Variants in BRCA2 observed in about 807,000 individuals in gnomAD.
The protein encoded by BRCA2 is BRCA2 DNA repair associated.
Under a neutral mutation model 276.7 loss-of-function variants are expected in BRCA2, and 203 were observed. The observed-to-expected ratio is 0.73, with a 90% CI of 0.65 to 0.82. BRCA2 has a LOEUF of 0.82. Ranked by LOEUF, BRCA2 falls within the 40% of genes least tolerant of loss-of-function variation. The pLI, the probability that BRCA2 is intolerant of heterozygous loss-of-function variation, is 0.00. For missense variants in BRCA2, 3,920 were observed against 3,915.0 expected, an observed-to-expected ratio of 1.00 and a Z score of -0.03; for synonymous variants, 1,289 against 1,338.4, an observed-to-expected ratio of 0.96 and a Z score of 0.81.
intron 14 of BRCA2, among the ~76,000 whole-genome samples, chr13:32,356,024 A>G (rs1204431143): frequency 6.6e-6 from 1 of 151,560 alleles, no homozygotes; most frequent in Non-Finnish European, 1.5e-5. Context: ...TGATATGTAT[A>G]ATTTTATAAA....
In BRCA2 at chr13:32,337,434, AG is replaced by A; in HGVS notation, c.3080del (p.Ser1027ThrfsTer16). ...IKLSEHNIKK[S>X]KMFFKDIEEQ... Reference sequence around the variant, plus strand: ...GCTCTCTGAACATAACATTAAGAAGAGCAAAATGTTCTTCAAAGATATTGAA... The same window carrying A: ...GCTCTCTGAACATAACATTAAGAAGACAAAATGTTCTTCAAAGATATTGAA... On this transcript the variant is annotated frameshift_variant, in exon 11 of 27. Coordinates refer to ENST00000380152, the MANE Select transcript of BRCA2 (RefSeq NM_000059.4). LOFTEE classifies it high-confidence loss of function. 6.2e-7 allele frequency: 1 copy of A among 1,613,176 alleles called. No individual in the cohort carries two copies. Among genetic ancestry groups the A allele is most frequent in the Non-Finnish European group, 8.5e-7 (1 of 1,179,528 alleles).
rs543921331 is a variant in BRCA2, at chr13:32,342,896, A to G, written c.6842-1662A>G. On this transcript the variant is annotated intron_variant, in intron 11 of 26. Coordinates refer to ENST00000380152, the MANE Select transcript of BRCA2 (RefSeq NM_000059.4). Reference sequence around the variant, plus strand: ...CCTTGTCTCTACTAAAAATATAAAAATTAGCTGGGCATGGTGGTGGCACAC... The same window carrying G: ...CCTTGTCTCTACTAAAAATATAAAAGTTAGCTGGGCATGGTGGTGGCACAC... Among the ~76,000 whole-genome samples, 7 of 152,198 alleles carry G rather than the reference A, an allele frequency of 4.6e-5. No homozygotes were observed. In the South Asian group the frequency reaches 1.0e-3, roughly 23 times the overall value.
At chr13:32,351,717 T>C (rs1362694543) in intron 13 of BRCA2, among the ~76,000 whole-genome samples, 1 of 152,214 alleles carries the variant, frequency 6.6e-6, no homozygotes, top group Non-Finnish European at 1.5e-5. Context: ...TTAAAGTAGT[T>C]GCAAAATCTT....
intron 22 of BRCA2, 81 bp from the exon 23 acceptor site, chr13:32,379,669 A>G (rs2137621342): frequency 6.5e-7 from 1 of 1,538,272 alleles, no homozygotes; most frequent in Non-Finnish European, 9.0e-7. Context: ...AATATAAAAG[A>G]GGATCTGTAT....
rs587782313 is a variant in BRCA2, at chr13:32,394,796, G to A, written c.9364G>A (p.Ala3122Thr). Residue 3122 changes from alanine (A) to threonine (T), a missense_variant, in exon 25 of 27, where the codon GCA (alanine) becomes ACA (threonine). Physicochemically the swap from Ala to Thr is moderately conservative, Grantham distance 58. Around this residue, in one of 2 missense-constraint regions of BRCA2, gnomAD observed 657 missense variants for 758.2 expected, o/e 0.87. Coordinates refer to ENST00000380152, the MANE Select transcript of BRCA2 (RefSeq NM_000059.4). ...TATTAAGCCTCATATGTTAATTGCT[G>A]CAAGCAACCTCCAGTGGCGACCAGA... is the stretch of plus-strand genomic sequence containing the variant. ...DIIKPHMLIA[A>T]SNLQWRPESK... 68 of 1,613,936 alleles carry A rather than the reference G, an allele frequency of 4.2e-5. No individual in the cohort carries two copies. The South Asian group carries it at 4.8e-4, about 11-fold the overall frequency.
chr13:32,344,165 T>TG (rs2072593151), intron 11 of BRCA2, among the ~76,000 whole-genome samples: 1 of 71,164 alleles, frequency 1.4e-5, no homozygotes, highest in Non-Finnish European at 3.0e-5. Flanking sequence ...GCCCCCGTGC[T>TG]GAAAAAAAAA....
intron 24 of BRCA2, among the ~76,000 whole-genome samples, chr13:32,389,706 AC>A (rs2072984215): frequency 6.6e-6 from 1 of 152,082 alleles, no homozygotes; most frequent in South Asian, 2.1e-4. Context: ...TTGTGACATA[AC>A]CCCATCATAA....
intron 13 of BRCA2, among the ~76,000 whole-genome samples, chr13:32,350,544 TCGAGA>T (rs2072641401): frequency 6.6e-6 from 1 of 151,982 alleles, no homozygotes; most frequent in South Asian, 2.1e-4. Flanking sequence ...GGTCAGGAGA[TCGAGA>T]CCATCCTGGC....
At chr13:32,318,564 C>T (rs1004850180) in intron 2 of BRCA2, among the ~76,000 whole-genome samples, 2 of 152,060 alleles carry the variant, frequency 1.3e-5, no homozygotes, top group African/African-American at 4.8e-5. Flanking sequence ...GTGGCAGCCT[C>T]CGGAGTAGCT....
intron 3 of BRCA2, among the ~76,000 whole-genome samples, chr13:32,321,346 A>G (rs987750768): frequency 1.1e-4 from 16 of 152,220 alleles, no homozygotes; most frequent in Non-Finnish European, 2.1e-4. Flanking sequence ...TTGTAAGCAC[A>G]TCTTGGTTGC....
Position 32,329,436 on chromosome 13 carries a change from C to A in BRCA2, c.632-7C>A. The A allele has an allele frequency of 6.3e-7, 1 of 1,587,412 alleles. No homozygotes were observed. The highest frequency in any genetic ancestry group is 8.6e-7 in the Non-Finnish European group (1 of 1,158,732). ...ATATACAATACACATAAATTTTTAT[C>A]TTACAGTCAGAAATGAAGAAGCATC... is the stretch of plus-strand genomic sequence containing the variant. On this transcript the variant is annotated splice_region_variant and splice_polypyrimidine_tract_variant and intron_variant, in intron 7 of 26. Transcript: ENST00000380152.
intron 20 of BRCA2, chr13:32,375,304 C>T (rs1270977809): frequency 4.9e-6 from 2 of 406,380 alleles, no homozygotes; most frequent in East Asian, 1.5e-4. Flanking sequence ...GGCTTTACTT[C>T]TAATTCTAGT....
rs28897706 is a variant in BRCA2 at position 32,332,456 on chromosome 13, C to G, written c.978C>G (p.Ser326Arg). The stretch of plus-strand genomic sequence containing the variant: ...AAAATCTACAAAAAGTAAGAACTAG[C>G]AAGACTAGGAAAAAAATTTTCCATG... ...RTKNLQKVRT[S>R]KTRKKIFHEA... The change falls in exon 10 of 27, where the codon AGC becomes AGG. Residue 326 changes from serine to arginine, a missense_variant. Physicochemically the swap from Ser to Arg is moderately radical, Grantham distance 110. Around this residue, in one of 2 missense-constraint regions of BRCA2, gnomAD observed 3,263 missense variants for 3,156.9 expected, o/e 1.03. Coordinates refer to ENST00000380152, the MANE Select transcript of BRCA2 (RefSeq NM_000059.4). The G allele has an allele frequency of 6.3e-7, 1 of 1,592,580 alleles. No homozygotes were observed. Among genetic ancestry groups the G allele is most frequent in the Non-Finnish European group, 8.5e-7 (1 of 1,173,340 alleles).
In BRCA2 at chr13:32,325,186, T is replaced by C. The variant is rs876661045; in HGVS notation, c.425+2T>C. ...TCTAAATTCTTGTCTTAGTGAAAGG[T>C]ATGATGAAGCTATTATATTAAAATA... On this transcript the variant is annotated splice_donor_variant, in intron 4 of 26. Coordinates refer to ENST00000380152, the MANE Select transcript of BRCA2 (RefSeq NM_000059.4). LOFTEE classifies it high-confidence loss of function. 6.5e-7 allele frequency: 1 copy of C among 1,531,736 alleles called. No individual in the cohort carries two copies. Among genetic ancestry groups the C allele is most frequent in the Non-Finnish European group, 9.0e-7 (1 of 1,106,420 alleles). The allele number at this position is 1,531,736 out of a possible 1,614,324, so 94.9% of individuals were successfully genotyped here. A position where few individuals can be genotyped will look rare whatever the true frequency, so the allele number is the denominator to read the frequency against.
chr13:32,388,232 C>T (rs1318339699), intron 24 of BRCA2, among the ~76,000 whole-genome samples: 1 of 151,770 alleles, frequency 6.6e-6, no homozygotes, highest in Non-Finnish European at 1.5e-5. Flanking sequence ...AATTATTGTG[C>T]CTTAGCCTCC....
chr13:32,356,588 C>T lies in BRCA2; in HGVS notation c.7596C>T (p.Pro2532=), dbSNP rs748631472. 1.1e-5 allele frequency: 18 copies of T among 1,614,216 alleles called. No homozygotes were observed. The highest frequency in any genetic ancestry group is 6.7e-5 in the Admixed American group (4 of 60,022). ...AAGCAGCAGTAGGAGGCCAAGTTCCCTCTGCGTGTTCTCATAAACAGGTAT... is the reference window on the plus strand; with the variant it reads ...AAGCAGCAGTAGGAGGCCAAGTTCCTTCTGCGTGTTCTCATAAACAGGTAT... ...SLKAAVGGQV[P]SACSHKQLYT... is the part of the protein sequence containing the mutation. The change falls in exon 15 of 27, where the codon CCC becomes CCT. Residue 2532 remains proline, a synonymous_variant. Coordinates refer to ENST00000380152, the MANE Select transcript of BRCA2 (RefSeq NM_000059.4).
chr13:32,330,895 G>T lies in BRCA2; in HGVS notation c.682-24G>T, dbSNP rs770385797. 10 of 1,436,380 alleles carry T rather than the reference G, an allele frequency of 7.0e-6. No individual in the cohort carries two copies. The Admixed American group carries it at 1.4e-4, about 20-fold the overall frequency. 89.0% of individuals were successfully genotyped at this position (1,436,380 alleles called of 1,614,324 possible). On this transcript the variant is annotated intron_variant, in intron 8 of 26. Transcript: ENST00000380152. ...GTGCATTGAGAGTTTTTATACTAGTGATTTTAAACTATAATTTTTGCAGAA... is the reference window on the plus strand; with the variant it reads ...GTGCATTGAGAGTTTTTATACTAGTTATTTTAAACTATAATTTTTGCAGAA...
rs11571718 is a variant in BRCA2, at chr13:32,362,738, G to C, written c.7976+45G>C. ...TTACGTAATCATATACGGCAGTATG[G>C]TTAAGGTTTCTGTGTAGTCTGTGAC... On this transcript the variant is annotated intron_variant, in intron 17 of 26. Transcript: ENST00000380152. The C allele has an allele frequency of 2.8e-4, 447 of 1,603,300 alleles. 8 individuals carry two copies. The East Asian group carries it at 6.3e-3, about 23-fold the overall frequency.
rs2072711060 is a variant in BRCA2, at chr13:32,357,891, C to T, written c.7767C>T (p.Pro2589=). The T allele has an allele frequency of 2.5e-6, 4 of 1,613,940 alleles. No homozygotes were observed. Among genetic ancestry groups the T allele is most frequent in the South Asian group, 1.1e-5 (1 of 91,074 alleles). ...TGGCTGATGGTGGATGGCTCATACC[C>T]TCCAATGATGGAAAGGCTGGAAAAG... ...IQLADGGWLI[P]SNDGKAGKEE... The change falls in exon 16 of 27, where the codon CCC becomes CCT. Residue 2589 remains proline (P), a synonymous_variant. Transcript: ENST00000380152.
Sources: allele counts gnomAD v4.1 joint callset (sites outside exome capture counted in the v4.1 genomes callset), GRCh38; gene constraint gnomAD v4.1.1; regional missense constraint gnomAD v4.1.1; transcripts MANE v1.5; gene names NCBI Gene and HGNC (gene_info 2026-07-23, HGNC 2026-07-21).